Variants in GPC5 observed in about 807,000 individuals in gnomAD.
GPC5 encodes the protein glypican-5.
A neutral mutation model predicts 53.9 loss-of-function variants in GPC5; 47 were observed. The observed-to-expected ratio is 0.87, with a 90% confidence interval of 0.69 to 1.11. The LOEUF is 1.11. Among genes scored for constraint, GPC5 ranks in the 50% most tolerant of loss-of-function variants. The pLI, the probability that GPC5 is intolerant of heterozygous loss-of-function variation, is 0.00. For missense variants in GPC5, 748 were observed against 713.1 expected (o/e 1.05, Z -0.56); for synonymous variants, 286 against 263.3 (o/e 1.09, Z -0.84).
intron 7 of GPC5, among the ~76,000 whole-genome samples, chr13:92,323,292 AATAC>A (rs2043227851): frequency 1.3e-5 from 2 of 150,306 alleles, no homozygotes; most frequent in South Asian, 4.2e-4. Flanking sequence ...TTTACCAAAA[AATAC>A]ATACATATAC....
intron 7 of GPC5, among the ~76,000 whole-genome samples, chr13:92,426,677 C>T (rs16952637): frequency 0.29 from 43,820 of 151,838 alleles, 7,357 homozygotes; most frequent in East Asian, 0.61. Context: ...TGTTTAGCTT[C>T]ACTCAGTATA....
In GPC5 at chr13:91,693,885, A is replaced by G. The variant is rs45444304; in HGVS notation, c.1020+4A>G. 0.021 allele frequency: 33,504 copies of G among 1,575,422 alleles called. 438 individuals are homozygous for G. Among genetic ancestry groups the G allele is most frequent in the African/African-American group, 0.051 (3,823 of 74,540 alleles). ...TGGACAAAAATTATTGGAACAGGTA[A>G]GTAGGAGCTCCACATTTTCAGTCTG... On this transcript the variant is annotated splice_donor_region_variant and intron_variant, in intron 3 of 7. Transcript: ENST00000377067.
chr13:91,823,762 ACT>A (rs1434096768), intron 5 of GPC5, among the ~76,000 whole-genome samples: 4 of 151,838 alleles, frequency 2.6e-5, no homozygotes, highest in Non-Finnish European at 5.9e-5. Context: ...TGTCATAATC[ACT>A]CTTTGTCTAT....
Position 91,423,381 on chromosome 13 carries a change from G to A in GPC5, c.163+24172G>A, listed in dbSNP as rs1251383173. Among the ~76,000 whole-genome samples the A allele has an allele frequency of 3.3e-5, 5 of 152,146 alleles. No individual in the cohort carries two copies. The East Asian group carries it at 9.6e-4, about 29-fold the overall frequency. On this transcript the variant is annotated intron_variant, in intron 1 of 7. Coordinates refer to ENST00000377067, the MANE Select transcript of GPC5 (RefSeq NM_004466.6). Reference sequence around the variant, plus strand: ...TTTAAAGGATTAAAAAATCATTAAGGCTTATAGTCTAAGGAAAATAGGTTA... The same window carrying A: ...TTTAAAGGATTAAAAAATCATTAAGACTTATAGTCTAAGGAAAATAGGTTA...
At chr13:91,595,003 T>G in intron 2 of GPC5, among the ~76,000 whole-genome samples, 1 of 108,534 alleles carries the variant, frequency 9.2e-6, no homozygotes, top group Non-Finnish European at 2.2e-5. Flanking sequence ...TATTTATTTA[T>G]TTATTTATTT....
chr13:92,109,077 T>TTG (rs2041534903), intron 6 of GPC5, among the ~76,000 whole-genome samples: 1 of 146,636 alleles, frequency 6.8e-6, no homozygotes, highest in Non-Finnish European at 1.5e-5. Flanking sequence ...TTTTTTTTTT[T>TTG]TTTTTTTGAG....
chr13:91,548,899 G>A (rs1326923355), intron 2 of GPC5, among the ~76,000 whole-genome samples: 1 of 152,092 alleles, frequency 6.6e-6, no homozygotes, highest in Non-Finnish European at 1.5e-5. Context: ...ACATCCACAT[G>A]TGGAAAAATG....
chr13:91,478,106 G>GT (rs938656529), intron 2 of GPC5, among the ~76,000 whole-genome samples: 235 of 147,544 alleles, frequency 1.6e-3, no homozygotes, highest in East Asian at 8.1e-3. Flanking sequence ...ATTGTCGTTA[G>GT]TTTTTTTTTT....
intron 2 of GPC5, among the ~76,000 whole-genome samples, chr13:91,648,155 G>A (rs779265398): frequency 6.6e-6 from 1 of 152,152 alleles, no homozygotes; most frequent in Non-Finnish European, 1.5e-5. Context: ...CATACACAGT[G>A]CTATCCTGAT....
At chr13:92,652,723 C>T (rs1885997046) in intron 7 of GPC5, among the ~76,000 whole-genome samples, 1 of 152,148 alleles carries the variant, frequency 6.6e-6, no homozygotes, top group East Asian at 1.9e-4. Context: ...AAATATTGAT[C>T]AGATGATCTA....
chr13:91,466,173 A>C (rs1484579149), intron 2 of GPC5, among the ~76,000 whole-genome samples: 8 of 152,180 alleles, frequency 5.3e-5, no homozygotes, highest in Non-Finnish European at 4.4e-5. Flanking sequence ...CTACCAAGGG[A>C]AACAGTTCCA....
chr13:92,792,216 C>G (rs1209128979), intron 7 of GPC5, among the ~76,000 whole-genome samples: 1 of 152,070 alleles, frequency 6.6e-6, no homozygotes, highest in African/African-American at 2.4e-5. Context: ...GATCTCTCGG[C>G]AGAAACCCTA....
chr13:92,184,299 C>T (rs965272693), intron 7 of GPC5, among the ~76,000 whole-genome samples: 1 of 152,062 alleles, frequency 6.6e-6, no homozygotes, highest in African/African-American at 2.4e-5. Flanking sequence ...AAGACCTAAC[C>T]TCCTTCAAAA....
intron 2 of GPC5, among the ~76,000 whole-genome samples, chr13:91,630,635 A>G (rs2034132048): frequency 6.6e-6 from 1 of 152,104 alleles, no homozygotes; most frequent in East Asian, 1.9e-4. Flanking sequence ...GATCTCCCCA[A>G]AGAGGGCCTG....
At chr13:91,688,198 A>T (rs2139778298) in intron 2 of GPC5, among the ~76,000 whole-genome samples, 1 of 152,246 alleles carries the variant, frequency 6.6e-6, no homozygotes, top group East Asian at 1.9e-4. Flanking sequence ...TGATTTTACC[A>T]ATTTTAATTA....
chr13:92,804,022 C>A (rs1452065229), intron 7 of GPC5, among the ~76,000 whole-genome samples: 1 of 150,968 alleles, frequency 6.6e-6, no homozygotes, highest in African/African-American at 2.4e-5. Context: ...AACTCAGATT[C>A]TCCTAACTGA....
At chr13:92,261,754 ATTAG>A (rs922044034) in intron 7 of GPC5, among the ~76,000 whole-genome samples, 4 of 152,178 alleles carry the variant, frequency 2.6e-5, no homozygotes, top group Non-Finnish European at 4.4e-5. Flanking sequence ...AAAATAGCTT[ATTAG>A]TTAAATTTTA....
chr13:92,024,107 AT>A (rs1334100843), intron 6 of GPC5, among the ~76,000 whole-genome samples: 3 of 152,144 alleles, frequency 2.0e-5, no homozygotes, highest in Admixed American at 1.3e-4. Flanking sequence ...ATAAGCCTCA[AT>A]TATGGTGCCT....
intron 6 of GPC5, among the ~76,000 whole-genome samples, chr13:92,032,897 C>T (rs528960599): frequency 3.7e-4 from 56 of 152,300 alleles, no homozygotes; most frequent in African/African-American, 1.3e-3. Context: ...CTTCCATACA[C>T]ATCTATCCAA....
Sources: gnomAD v4.1 joint callset for allele counts (sites outside exome capture counted in the v4.1 genomes callset) on GRCh38, gnomAD v4.1.1 for gene constraint, MANE v1.5 for transcripts, NCBI Gene and HGNC (gene_info 2026-07-23, HGNC 2026-07-21) for gene names.